STOX2: variants seen among roughly 807,000 people sequenced by gnomAD.
The protein encoded by STOX2 is storkhead-box protein 2.
A neutral mutation model predicts 60.9 loss-of-function variants in STOX2; 28 were observed. The ratio of observed to expected loss-of-function variants is 0.46; its 90% CI spans 0.34 to 0.63. STOX2 has a LOEUF of 0.63. STOX2 is among the 30% of genes least tolerant of loss of function. STOX2 has a pLI of 0.01. For synonymous variants in STOX2, 472 were observed against 463.9 expected (o/e 1.02, Z -0.22); for missense variants, 1,024 against 1,187.7 (o/e 0.86, Z 2.03).
At chr4:183,807,484 C>T (rs1338968071) in intron 1 of STOX2, among the ~76,000 whole-genome samples, 1 of 152,238 alleles carries the variant, frequency 6.6e-6, no homozygotes, top group African/African-American at 2.4e-5. Flanking sequence ...CTGCCCGAGC[C>T]GCCAGGGTTT....
chr4:183,841,584 T>C (rs1449605072), intron 1 of STOX2, among the ~76,000 whole-genome samples: 5 of 152,202 alleles, frequency 3.3e-5, no homozygotes, highest in Non-Finnish European at 7.3e-5. Context: ...CTCAGCCTGC[T>C]TCTTATTTTA....
In STOX2 at chr4:183,967,931, G is replaced by A. The variant is rs148727920; in HGVS notation, c.167-33394G>A. ...GACAAAACTTAAGGAAAACCCATGA[G>A]GGGATCCAGCTGAACACCGGATCGG... On this transcript the variant is annotated intron_variant, in intron 1 of 3. Coordinates refer to ENST00000308497, the MANE Select transcript of STOX2 (RefSeq NM_020225.3). Among the ~76,000 whole-genome samples the A allele has an allele frequency of 1.2e-3, 179 of 152,290 alleles. 1 individual carries two copies. The highest frequency in any genetic ancestry group is 4.0e-3 in the African/African-American group (168 of 41,558).
At chr4:183,842,762 T>C (rs1739892214) in intron 1 of STOX2, among the ~76,000 whole-genome samples, 1 of 152,218 alleles carries the variant, frequency 6.6e-6, no homozygotes, top group Admixed American at 6.5e-5. Context: ...TTTTCATATA[T>C]GGCCTTTGAA....
intron 1 of STOX2, among the ~76,000 whole-genome samples, chr4:183,920,767 C>T (rs779819535): frequency 6.6e-6 from 1 of 152,094 alleles, no homozygotes; most frequent in Non-Finnish European, 1.5e-5. Context: ...ATTGTAATGC[C>T]GTTGTGAGCT....
intron 1 of STOX2, among the ~76,000 whole-genome samples, chr4:183,810,289 A>G (rs937528595): frequency 2.0e-5 from 3 of 152,138 alleles, no homozygotes; most frequent in African/African-American, 7.2e-5. Context: ...TGGACCAGGG[A>G]CTGTTGAGGA....
At chr4:183,908,274 C>T (rs1306347662) in intron 1 of STOX2, among the ~76,000 whole-genome samples, 1 of 152,230 alleles carries the variant, frequency 6.6e-6, no homozygotes, top group Non-Finnish European at 1.5e-5. Context: ...ATACTTCAGT[C>T]ATTTAAGTCG....
intron 1 of STOX2, among the ~76,000 whole-genome samples, chr4:183,879,295 A>G (rs1240701601): frequency 6.6e-6 from 1 of 152,122 alleles, no homozygotes; most frequent in Admixed American, 6.5e-5. Context: ...CATCCCTTGT[A>G]CGCCTTTCTG....
At chr4:183,965,453 T>G (rs1743537524) in intron 1 of STOX2, among the ~76,000 whole-genome samples, 1 of 152,234 alleles carries the variant, frequency 6.6e-6, no homozygotes, top group South Asian at 2.1e-4. Context: ...CTGTTCACTT[T>G]AATGGGATAT....
At position 184,021,191 on chromosome 4, in the gene STOX2, A is replaced by C. The variant is rs543476585; in HGVS notation, c.*3907A>C. The C allele has an allele frequency of 6.6e-6, 1 of 152,272 alleles. No individual in the cohort carries two copies. The highest frequency in any genetic ancestry group is 1.5e-5 in the Non-Finnish European group (1 of 68,056). The allele number at this position is 152,272 out of a possible 1,614,324, so 9.4% of individuals were successfully genotyped here. On this transcript the variant is annotated 3_prime_UTR_variant, in exon 4 of 4. Coordinates refer to ENST00000308497, the MANE Select transcript of STOX2 (RefSeq NM_020225.3). ...TGCACGATTCACTTTGGGATCTCAAAGTGCTTCCAAAGCATTCAGATTTAC... is the reference window on the plus strand; with the variant it reads ...TGCACGATTCACTTTGGGATCTCAACGTGCTTCCAAAGCATTCAGATTTAC...
In STOX2 at chr4:184,017,114, A is replaced by G. The variant is rs1734404575; in HGVS notation, c.2611A>G (p.Thr871Ala). 1 of 1,612,596 alleles carries G rather than the reference A, an allele frequency of 6.2e-7. No homozygotes were observed. The highest frequency in any genetic ancestry group is 8.5e-7 in the Non-Finnish European group (1 of 1,179,474). ...TACTCGGGAGAGCCTGGCTTCCAACACATCAAGCATTGTTGAAAGTAACCG... is the reference window on the plus strand; with the variant it reads ...TACTCGGGAGAGCCTGGCTTCCAACGCATCAAGCATTGTTGAAAGTAACCG... ...PRTRESLASN[T>A]SSIVESNRRQ... Residue 871 changes from threonine (T) to alanine (A), a missense_variant, in exon 4 of 4, where the codon ACA (threonine) becomes GCA (alanine). Transcript: ENST00000308497.
chr4:183,811,921 A>C, intron 1 of STOX2, among the ~76,000 whole-genome samples: 1 of 144,806 alleles, frequency 6.9e-6, no homozygotes, highest in Non-Finnish European at 1.5e-5. Flanking sequence ...CTAGTGAGAA[A>C]GCCTGGATTT....
intron 1 of STOX2, among the ~76,000 whole-genome samples, chr4:183,840,081 GC>G (rs878855772): frequency 6.6e-6 from 1 of 152,044 alleles, no homozygotes; most frequent in Admixed American, 6.6e-5. Flanking sequence ...GGTTGTGGGG[GC>G]AAGAACTAGG....
At chr4:184,013,129 C>T (rs1734230505) in intron 3 of STOX2, among the ~76,000 whole-genome samples, 1 of 152,162 alleles carries the variant, frequency 6.6e-6, no homozygotes, top group Admixed American at 6.5e-5. Flanking sequence ...CCCTGGGCTT[C>T]CACAGACAGG....
At chr4:183,980,785 C>T in intron 1 of STOX2, among the ~76,000 whole-genome samples, 1 of 151,732 alleles carries the variant, frequency 6.6e-6, no homozygotes, top group East Asian at 1.9e-4. Flanking sequence ...ACCTTGAGGT[C>T]AGAGGTTGAT....
Position 183,806,789 on chromosome 4 carries a change from T to G in STOX2, c.364+8734T>G, listed in dbSNP as rs1315952792. 6.6e-6 allele frequency among the ~76,000 whole-genome samples: 1 copy of G among 152,136 alleles called. No homozygotes were observed. Among genetic ancestry groups the G allele is most frequent in the Admixed American group, 6.5e-5 (1 of 15,282 alleles). On this transcript the variant is annotated intron_variant, in intron 1 of 2. Transcript: ENST00000513034. The surrounding 1 kb of genome is among the most constrained non-coding windows in gnomAD (Gnocchi z 4.1). ...AATAAGGTCCGCCGCCGTCCAAATT[T>G]TGAGGAAACAAACATTTATGTGTTC...
At chr4:183,953,056 G>A (rs1743139001) in intron 1 of STOX2, among the ~76,000 whole-genome samples, 1 of 152,146 alleles carries the variant, frequency 6.6e-6, no homozygotes, top group African/African-American at 2.4e-5. Flanking sequence ...GAGGCTGGGG[G>A]AGGGATAGCA....
At chr4:183,960,514 C>T (rs1743381086) in intron 1 of STOX2, among the ~76,000 whole-genome samples, 2 of 152,150 alleles carry the variant, frequency 1.3e-5, no homozygotes, top group African/African-American at 4.8e-5. Context: ...AAAGAGATAA[C>T]CCTCCATATT....
chr4:183,857,482 T>A (rs1740328896), intron 1 of STOX2, among the ~76,000 whole-genome samples: 1 of 22,926 alleles, frequency 4.4e-5, no homozygotes, highest in African/African-American at 1.2e-4. Flanking sequence ...CTGCCTGGAT[T>A]CCCAGCCTTC....
chr4:183,979,255 T>TA (rs1732564220), intron 1 of STOX2, among the ~76,000 whole-genome samples: 1 of 152,108 alleles, frequency 6.6e-6, no homozygotes, highest in Non-Finnish European at 1.5e-5. Flanking sequence ...TACACACTGT[T>TA]AAACAACCAG....
Sources: allele counts gnomAD v4.1 joint callset (sites outside exome capture counted in the v4.1 genomes callset), GRCh38; gene constraint gnomAD v4.1.1; non-coding constraint Gnocchi (gnomAD v3.1); transcripts MANE v1.5; gene names NCBI Gene and HGNC (gene_info 2026-07-23, HGNC 2026-07-21).